Variants in C4BPA observed in about 807,000 individuals in gnomAD.
C4BPA encodes complement component 4 binding protein alpha.
C4BPA carries 31 observed loss-of-function variants against 63.7 expected under a neutral mutation model. That is an observed-to-expected ratio of 0.49 (90% CI 0.37 to 0.66). C4BPA has a LOEUF of 0.66. Ranked by LOEUF, C4BPA falls within the 30% of genes least tolerant of loss-of-function variation. C4BPA has a pLI of 0.00. For synonymous variants in C4BPA, 259 were observed against 254.7 expected, an observed-to-expected ratio of 1.02 and a Z score of -0.16; for missense variants, 572 against 723.3, an observed-to-expected ratio of 0.79 and a Z score of 2.40.
intron 7 of C4BPA, among the ~76,000 whole-genome samples, chr1:207,128,524 A>T (rs1685094091): frequency 6.6e-6 from 1 of 152,208 alleles, no homozygotes; most frequent in Non-Finnish European, 1.5e-5. Flanking sequence ...AGTTGCTGAA[A>T]AAAGTAGAAC....
At chr1:207,108,125 A>C (rs781030935) in intron 1 of C4BPA, among the ~76,000 whole-genome samples, 3 of 151,932 alleles carry the variant, frequency 2.0e-5, no homozygotes, top group Non-Finnish European at 4.4e-5. Context: ...TTTTAACTTA[A>C]ATTATTATTA....
At chr1:207,112,360 T>TTG (rs947318902) in intron 1 of C4BPA, among the ~76,000 whole-genome samples, 2 of 150,462 alleles carry the variant, frequency 1.3e-5, no homozygotes, top group African/African-American at 4.9e-5. Context: ...GTTTTTTTTT[T>TTG]TTTTTTTTAT....
At chr1:207,109,181 A>G (rs1465981160) in intron 1 of C4BPA, among the ~76,000 whole-genome samples, 1 of 152,232 alleles carries the variant, frequency 6.6e-6, no homozygotes, top group Non-Finnish European at 1.5e-5. Flanking sequence ...ACCAAAGGCC[A>G]CAGTGGAGAC....
Position 207,131,539 on chromosome 1 carries a change from T to A in C4BPA, c.890-7T>A. 1 of 1,591,266 alleles carries A rather than the reference T, an allele frequency of 6.3e-7. No individual in the cohort carries two copies. Among genetic ancestry groups the A allele is most frequent in the Non-Finnish European group, 8.6e-7 (1 of 1,161,230 alleles). On this transcript the variant is annotated splice_region_variant and splice_polypyrimidine_tract_variant and intron_variant, in intron 7 of 11. Coordinates refer to ENST00000367070, the MANE Select transcript of C4BPA (RefSeq NM_000715.4). ...TTTTGTTCTTCTTCTTCTTCTTTCATGAGTAGATAGTTGTATTAATTTACC... is the reference window on the plus strand; with the variant it reads ...TTTTGTTCTTCTTCTTCTTCTTTCAAGAGTAGATAGTTGTATTAATTTACC...
At chr1:207,128,879 G>T (rs1450039897) in intron 7 of C4BPA, among the ~76,000 whole-genome samples, 2 of 152,200 alleles carry the variant, frequency 1.3e-5, no homozygotes, top group East Asian at 3.9e-4. Context: ...AAAATTGTCA[G>T]ATGTGCAAAG....
intron 4 of C4BPA, 140 bp downstream of exon 4, chr1:207,115,655 C>T (rs1331099113): frequency 1.0e-5 from 5 of 483,736 alleles, no homozygotes; most frequent in East Asian, 8.0e-5. Context: ...CCATACACCA[C>T]ATTCCTTCCC....
chr1:207,139,887 G>A (rs1685376215), intron 9 of C4BPA, among the ~76,000 whole-genome samples: 1 of 152,102 alleles, frequency 6.6e-6, no homozygotes, highest in African/African-American at 2.4e-5. Context: ...TTATATATTG[G>A]GCAAAGGATT....
intron 9 of C4BPA, among the ~76,000 whole-genome samples, chr1:207,137,416 C>T (rs985391611): frequency 6.6e-6 from 1 of 152,144 alleles, no homozygotes; most frequent in Non-Finnish European, 1.5e-5. Flanking sequence ...AGACATAATA[C>T]ATGTAAGATT....
chr1:207,112,925 C>A, intron 1 of C4BPA, 76 bp from the exon 2 acceptor site: 1 of 1,320,266 alleles, frequency 7.6e-7, no homozygotes, highest in South Asian at 1.6e-5. Context: ...AGACATGGAT[C>A]CCATAACATT....
intron 4 of C4BPA, among the ~76,000 whole-genome samples, chr1:207,120,285 C>T (rs796578783): frequency 1.1e-4 from 16 of 152,210 alleles, no homozygotes; most frequent in African/African-American, 3.6e-4. Context: ...GGGTAAACAA[C>T]AAATAATTTT....
chr1:207,125,505 GTCATGAGGGATCCACCC>G, intron 6 of C4BPA, among the ~76,000 whole-genome samples: 1 of 152,282 alleles, frequency 6.6e-6, no homozygotes, highest in South Asian at 2.1e-4. Context: ...AAGTGATTAA[GTCATGAGGGATCCACCC>G]TCATGAATGG....
intron 1 of C4BPA, among the ~76,000 whole-genome samples, chr1:207,105,774 A>C (rs893195396): frequency 2.0e-5 from 3 of 152,210 alleles, no homozygotes; most frequent in Non-Finnish European, 4.4e-5. Flanking sequence ...CTTAAAAAGT[A>C]ACTTCTCATG....
chr1:207,143,915 C>G lies in C4BPA; in HGVS notation c.1542C>G (p.Gly514=). 1 of 1,612,288 alleles carries G rather than the reference C, an allele frequency of 6.2e-7. No homozygotes were observed. The highest frequency in any genetic ancestry group is 8.5e-7 in the Non-Finnish European group (1 of 1,179,074). Residue 514 remains glycine (G), a synonymous_variant, in exon 11 of 12, where the codon GGC becomes GGG. Transcript: ENST00000367070. ...PENVTIQCDS[G]YGVVGPQSIT... Reference sequence around the variant, plus strand: ...ATGTCACCATCCAATGTGATTCTGGCTATGGTGTGGTTGGTCCCCAAAGTA... The same window carrying G: ...ATGTCACCATCCAATGTGATTCTGGGTATGGTGTGGTTGGTCCCCAAAGTA...
At chr1:207,139,724 A>C (rs1685371540) in intron 9 of C4BPA, among the ~76,000 whole-genome samples, 1 of 152,182 alleles carries the variant, frequency 6.6e-6, no homozygotes, top group Non-Finnish European at 1.5e-5. Context: ...CTCTTTTATC[A>C]GTGCAGTTAC....
chr1:207,120,435 C>G (rs4425986), intron 4 of C4BPA, among the ~76,000 whole-genome samples: 2 of 151,942 alleles, frequency 1.3e-5, no homozygotes, highest in Non-Finnish European at 2.9e-5. Context: ...ACTCTTGCTG[C>G]GTCCCCCAGT....
At chr1:207,108,307 GA>G (rs1207567590) in intron 1 of C4BPA, among the ~76,000 whole-genome samples, 3 of 151,010 alleles carry the variant, frequency 2.0e-5, no homozygotes, top group South Asian at 2.1e-4. Flanking sequence ...TATTATTCCA[GA>G]AAAAAAAATT....
chr1:207,110,514 G>T (rs1684646884), intron 1 of C4BPA, among the ~76,000 whole-genome samples: 1 of 152,192 alleles, frequency 6.6e-6, no homozygotes, highest in Admixed American at 6.5e-5. Context: ...TGGAGGCCAG[G>T]CATGGTGGCT....
At chr1:207,138,316 C>T (rs79887230) in intron 9 of C4BPA, among the ~76,000 whole-genome samples, 2,826 of 152,312 alleles carry the variant, frequency 0.019, 95 homozygotes, top group African/African-American at 0.064. Context: ...AGATGCTCTA[C>T]TTCCATCTTA....
intron 7 of C4BPA, 46 bp downstream of exon 7, chr1:207,126,941 T>A (rs879477012): frequency 6.8e-7 from 1 of 1,469,142 alleles, no homozygotes; most frequent in Non-Finnish European, 9.5e-7. Context: ...CATCTAAAGG[T>A]ACCCCGTACT....
Sources: gnomAD v4.1 joint callset for allele counts (sites outside exome capture counted in the v4.1 genomes callset) on GRCh38, gnomAD v4.1.1 for gene constraint, MANE v1.5 for transcripts, NCBI Gene and HGNC (gene_info 2026-07-23, HGNC 2026-07-21) for gene names.